The following TAF5L variants were observed in gnomAD, a reference collection of about 807,000 sequenced individuals.
The protein encoded by TAF5L is TATA-box binding protein associated factor 5 like, also known as TAF5-like RNA polymerase II p300/CBP-associated factor-associated factor 65 kDa subunit 5L.
TAF5L carries 7 observed loss-of-function variants against 51.3 expected under a neutral mutation model. That is an observed-to-expected ratio of 0.14 (90% CI 0.08 to 0.26). The LOEUF is 0.26. Among genes scored for constraint, TAF5L ranks in the 10% least tolerant of loss-of-function variants. TAF5L has a pLI of 1.00. For synonymous variants in TAF5L, 291 were observed against 308.1 expected, an observed-to-expected ratio of 0.94 and a Z score of 0.58; for missense variants, 575 against 758.9, an observed-to-expected ratio of 0.76 and a Z score of 2.85.
At position 229,603,915 on chromosome 1, in the gene TAF5L, G is replaced by A. The variant is rs917076055; in HGVS notation, c.248-996C>T. Among the ~76,000 whole-genome samples the A allele has an allele frequency of 3.3e-5, 5 of 152,230 alleles. No homozygotes were observed. In the South Asian group the frequency reaches 6.2e-4, roughly 19 times the overall value. ...CCCCCCAAGGAGCTGAGACCAGCCC[G>A]TGTCACAGTCACCAGTGCTGTCCAG... On this transcript the variant is annotated intron_variant, in intron 3 of 4. Transcript: ENST00000258281.
intron 3 of TAF5L, chr1:229,607,453 G>C: frequency 1.0e-6 from 1 of 985,410 alleles, no homozygotes; most frequent in Non-Finnish European, 1.2e-6. Flanking sequence ...CTGTACAGTC[G>C]TCAAGCCTGC....
intron 4 of TAF5L, among the ~76,000 whole-genome samples, chr1:229,597,999 T>C (rs887374314): frequency 3.9e-5 from 6 of 152,202 alleles, no homozygotes; most frequent in Non-Finnish European, 8.8e-5. Context: ...TCTAATTAGC[T>C]GTCAGTGGAA....
At chr1:229,616,031 T>C (rs1664989216) in intron 1 of TAF5L, among the ~76,000 whole-genome samples, 1 of 152,204 alleles carries the variant, frequency 6.6e-6, no homozygotes, top group African/African-American at 2.4e-5. Context: ...TTTATTTTTT[T>C]TGAGACAGTG....
Position 229,620,308 on chromosome 1 carries a change from C to G in TAF5L, c.-4+5577G>C, listed in dbSNP as rs138336882. 3.5e-3 allele frequency among the ~76,000 whole-genome samples: 526 copies of G among 152,354 alleles called. 14 individuals carry two copies. Among genetic ancestry groups the G allele is most frequent in the Admixed American group, 0.031 (468 of 15,304 alleles). On this transcript the variant is annotated intron_variant, in intron 1 of 4. Coordinates refer to ENST00000258281, the Ensembl canonical transcript of TAF5L. ...TCCTCTGGGCTCATGATCCTCCCAG[C>G]TCAGCCTCCCAGGTAGCTAGGATTA...
intron 3 of TAF5L, among the ~76,000 whole-genome samples, chr1:229,605,108 G>GTATGTGTATATATATAGATATATATA (rs1553270421): frequency 8.4e-6 from 1 of 118,622 alleles, no homozygotes; most frequent in African/African-American, 2.9e-5. Flanking sequence ...ATTTTTGTAT[G>GTATGTGTATATATATAGATATATATA]TATATATATA....
In TAF5L at chr1:229,602,020, CTTAGG is replaced by C; in HGVS notation, c.972+170_972+174del. ...ATGCTGCTAAAAATTGTTTTTGCATCTTAGGTTAGGCATGTGCAGGAATTCAATGG... is the reference window on the plus strand; with the variant it reads ...ATGCTGCTAAAAATTGTTTTTGCATCTTAGGCATGTGCAGGAATTCAATGG... On this transcript the variant is annotated intron_variant, in intron 4 of 4. Coordinates refer to ENST00000258281, the Ensembl canonical transcript of TAF5L. The surrounding 1 kb of genome is among the most constrained non-coding windows in gnomAD (Gnocchi z 4.6). The C allele has an allele frequency of 1.4e-6, 2 of 1,437,668 alleles. No individual in the cohort carries two copies. The highest frequency in any genetic ancestry group is 1.8e-6 in the Non-Finnish European group (2 of 1,097,290). The allele number at this position is 1,437,668 out of a possible 1,614,324, so 89.1% of individuals were successfully genotyped here. A position where few individuals can be genotyped will look rare whatever the true frequency, so the allele number is the denominator to read the frequency against.
chr1:229,623,408 G>A (rs1257299854), intron 1 of TAF5L, among the ~76,000 whole-genome samples: 2 of 152,204 alleles, frequency 1.3e-5, no homozygotes, highest in African/African-American at 4.8e-5. Flanking sequence ...CCAATCCTTG[G>A]TTCTTCTTAC....
Position 229,602,888 on chromosome 1 carries a change from C to A in TAF5L, c.279G>T (p.Met93Ile), listed in dbSNP as rs751357418. ...AGACAAAGAGAGGATAGAGGAGAGG[C>A]ATCACTTCGTGGCTATGCTGGGAAT... The change falls in exon 4 of 5, where the codon ATG becomes ATT. Residue 93 changes from methionine (M) to isoleucine (I), a missense_variant. Physicochemically the swap from Met to Ile is conservative, Grantham distance 10. Coordinates refer to ENST00000258281, the Ensembl canonical transcript of TAF5L. The surrounding 1 kb of genome is among the most constrained non-coding windows in gnomAD (Gnocchi z 4.6). 1 of 1,604,170 alleles carries A rather than the reference C, an allele frequency of 6.2e-7. No individual in the cohort carries two copies. The highest frequency in any genetic ancestry group is 1.7e-5 in the Admixed American group (1 of 59,788).
chr1:229,594,611 C>T lies in TAF5L; in HGVS notation c.1456G>A (p.Ala486Thr). Reference sequence around the variant, plus strand: ...AGCTTCAACCGCTGGTCCTCGCCAGCAGACGCCAAGTACTTACCGTTGGGA... The same window carrying T: ...AGCTTCAACCGCTGGTCCTCGCCAGTAGACGCCAAGTACTTACCGTTGGGA... The change falls in exon 5 of 5, where the codon GCT (alanine) becomes ACT (threonine). Residue 486 changes from alanine (A) to threonine (T), a missense_variant. Transcript: ENST00000258281. This position sits in a 1 kb window ranked among gnomAD's most constrained non-coding sequence, Gnocchi z 7.9. 1 of 1,614,200 alleles carries T rather than the reference C, an allele frequency of 6.2e-7. No homozygotes were observed. The highest frequency in any genetic ancestry group is 8.5e-7 in the Non-Finnish European group (1 of 1,180,038).
At chr1:229,603,800 A>G (rs548088726) in intron 3 of TAF5L, among the ~76,000 whole-genome samples, 23 of 152,384 alleles carry the variant, frequency 1.5e-4, no homozygotes, top group Non-Finnish European at 2.4e-4. Context: ...TGACACCTAA[A>G]TAAGTGCTTA....
chr1:229,604,958 G>C lies in TAF5L; in HGVS notation c.248-2039C>G, dbSNP rs561297012. ...CGGATTACTGACTTTATTTTTTTGA[G>C]ATGGAGTCTCGCTCCGTCACCCAGG... is the stretch of plus-strand genomic sequence containing the variant. On this transcript the variant is annotated intron_variant, in intron 3 of 4. Transcript: ENST00000258281. Among the ~76,000 whole-genome samples the C allele has an allele frequency of 9.9e-5, 15 of 152,038 alleles. No homozygotes were observed. The South Asian group carries it at 3.1e-3, about 32-fold the overall frequency.
chr1:229,622,921 ATAC>A (rs1361959117), intron 1 of TAF5L, among the ~76,000 whole-genome samples: 5 of 152,312 alleles, frequency 3.3e-5, no homozygotes, highest in Non-Finnish European at 7.4e-5. Flanking sequence ...ACATAATACT[ATAC>A]TACTATAGGC....
At chr1:229,601,962 TATAA>T in intron 4 of TAF5L, 1 of 1,355,210 alleles carries the variant, frequency 7.4e-7, no homozygotes, top group Non-Finnish European at 9.5e-7. Flanking sequence ...TTTCACATAG[TATAA>T]ATACTGACCA....
In TAF5L at chr1:229,619,171, G is replaced by A. The variant is rs367933988; in HGVS notation, c.-3-4686C>T. The stretch of plus-strand genomic sequence containing the variant: ...TTGTAACATCAAAAGATCAGTCTAA[G>A]TAGGACCTAAAGCCCTAGCTTTGCA... On this transcript the variant is annotated intron_variant, in intron 1 of 4. Coordinates refer to ENST00000258281, the Ensembl canonical transcript of TAF5L. Among the ~76,000 whole-genome samples the A allele has an allele frequency of 1.1e-3, 161 of 152,328 alleles. 4 individuals carry two copies. In the South Asian group the frequency reaches 0.031, roughly 29 times the overall value.
chr1:229,610,703 C>CA (rs1664756101), intron 2 of TAF5L, among the ~76,000 whole-genome samples: 2 of 151,910 alleles, frequency 1.3e-5, no homozygotes, highest in Non-Finnish European at 2.9e-5. Context: ...TGAACCAATC[C>CA]TTTAATTTTT....
intron 3 of TAF5L, among the ~76,000 whole-genome samples, chr1:229,608,322 T>C (rs1664669810): frequency 6.6e-6 from 1 of 152,152 alleles, no homozygotes; most frequent in Admixed American, 6.5e-5. Context: ...AATTCATAAG[T>C]AGAGAATAGT....
intron 4 of TAF5L, among the ~76,000 whole-genome samples, chr1:229,596,150 T>C (rs1009225838): frequency 1.3e-5 from 2 of 152,164 alleles, no homozygotes; most frequent in Non-Finnish European, 2.9e-5. Context: ...GGCGCATGCC[T>C]GTGGTCCCAG....
At chr1:229,621,498 C>A (rs1215144661) in intron 1 of TAF5L, among the ~76,000 whole-genome samples, 1 of 152,006 alleles carries the variant, frequency 6.6e-6, no homozygotes, top group East Asian at 1.9e-4. Flanking sequence ...TAAACACTGA[C>A]AATATACAAC....
At chr1:229,606,071 A>G (rs746192340) in intron 3 of TAF5L, 84 of 918,964 alleles carry the variant, frequency 9.1e-5, no homozygotes, top group Non-Finnish European at 1.1e-4. Flanking sequence ...TAAGTTTAGA[A>G]AAAAACCTAG....
Sources: gnomAD v4.1 joint callset for allele counts (sites outside exome capture counted in the v4.1 genomes callset) on GRCh38, gnomAD v4.1.1 for gene constraint, Gnocchi (gnomAD v3.1) non-coding constraint, MANE v1.5 for transcripts, NCBI Gene and HGNC (gene_info 2026-07-23, HGNC 2026-07-21) for gene names.